Variants in SLC14A1 observed in about 807,000 individuals in gnomAD.
SLC14A1 encodes the protein urea transporter 1.
A neutral mutation model predicts 39.6 loss-of-function variants in SLC14A1; 36 were observed. That is an observed-to-expected ratio of 0.91 (90% confidence interval 0.70 to 1.20). The LOEUF is 1.20. SLC14A1 is among the 50% of genes most tolerant of loss of function. SLC14A1 has a pLI of 0.00. For missense variants in SLC14A1, 469 were observed against 478.7 expected, an observed-to-expected ratio of 0.98 and a Z score of 0.19; for synonymous variants, 164 against 173.6, an observed-to-expected ratio of 0.94 and a Z score of 0.43.
Position 45,751,941 on chromosome 18 carries a change from C to T in SLC14A1, c.*1990C>T. On this transcript the variant is annotated 3_prime_UTR_variant, in exon 10 of 10. Transcript: ENST00000321925. ...CTTCTAGTTTGCAGTGCTCAGTGCACAATATACATTTTGCTGAATGAATAA... is the reference window on the plus strand; with the variant it reads ...CTTCTAGTTTGCAGTGCTCAGTGCATAATATACATTTTGCTGAATGAATAA... 1 of 985,142 alleles carries T rather than the reference C, an allele frequency of 1.0e-6. No homozygotes were observed. Among genetic ancestry groups the T allele is most frequent in the Non-Finnish European group, 1.2e-6 (1 of 829,816 alleles). 61.0% of individuals were successfully genotyped at this position (985,142 alleles called of 1,614,324 possible).
Position 45,731,026 on chromosome 18 carries a change from G to A in SLC14A1, c.163G>A (p.Val55Met). 1 of 1,614,126 alleles carries A rather than the reference G, an allele frequency of 6.2e-7. No individual in the cohort carries two copies. Among genetic ancestry groups the A allele is most frequent in the Non-Finnish European group, 8.5e-7 (1 of 1,180,006 alleles). ...LANQLKDKPV[V>M]LQFIDWILRG... Reference sequence around the variant, plus strand: ...CTCATCCCTTCCAGACAAACCCGTGGTGCTCCAGTTCATTGACTGGATTCT... The same window carrying A: ...CTCATCCCTTCCAGACAAACCCGTGATGCTCCAGTTCATTGACTGGATTCT... Residue 55 changes from valine to methionine, a missense_variant, in exon 4 of 10, where the codon GTG becomes ATG. Transcript: ENST00000321925.
chr18:45,751,294 T>G lies in SLC14A1; in HGVS notation c.*1343T>G. ...GGAGGAGGCTGCAGTGAGCTAAGAT[T>G]GCACCACTGCACTCCAACCTGGGCG... is the stretch of plus-strand genomic sequence containing the variant. On this transcript the variant is annotated 3_prime_UTR_variant, in exon 10 of 10. Coordinates refer to ENST00000321925, the MANE Select transcript of SLC14A1 (RefSeq NM_015865.7). 1 of 744,706 alleles carries G rather than the reference T, an allele frequency of 1.3e-6. No individual in the cohort carries two copies. Among genetic ancestry groups the G allele is most frequent in the Non-Finnish European group, 1.6e-6 (1 of 616,698 alleles). 46.1% of individuals were successfully genotyped at this position (744,706 alleles called of 1,614,324 possible).
rs1188973326 is a variant in SLC14A1, at chr18:45,749,880, G to T, written c.1099G>T (p.Val367Phe). The T allele has an allele frequency of 1.2e-6, 2 of 1,614,092 alleles. No individual in the cohort carries two copies. The highest frequency in any genetic ancestry group is 1.1e-5 in the South Asian group (1 of 91,068). The change falls in exon 10 of 10, where the codon GTT becomes TTT. Residue 367 changes from valine (V) to phenylalanine (F), a missense_variant. Transcript: ENST00000321925. ...SNIYKMPLSK[V>F]TYPEENRIFY... is the part of the protein sequence containing the mutation. ...CATCTACAAGATGCCCCTCAGTAAA[G>T]TTACTTATCCTGAAGAAAACCGCAT...
chr18:45,726,947 A>C, intron 2 of SLC14A1: 2 of 242,272 alleles, frequency 8.3e-6, no homozygotes, highest in African/African-American at 2.2e-5. Flanking sequence ...ATCCAACAGC[A>C]GAGACACGCA....
At chr18:45,748,338 A>G (rs1331859157) in intron 8 of SLC14A1, 38 bp from the exon 9 acceptor site, 11 of 1,608,748 alleles carry the variant, frequency 6.8e-6, no homozygotes, top group Non-Finnish European at 5.1e-6. Context: ...AAGTGCATCT[A>G]CGAAGCATTG....
At chr18:45,748,858 T>C (rs928735736) in intron 9 of SLC14A1, among the ~76,000 whole-genome samples, 1 of 152,194 alleles carries the variant, frequency 6.6e-6, no homozygotes, top group African/African-American at 2.4e-5. Flanking sequence ...TCTAGCCCTT[T>C]TGGCAGCAGC....
Position 45,749,959 on chromosome 18 carries a change from C to T in SLC14A1, c.*8C>T. 1 of 1,614,202 alleles carries T rather than the reference C, an allele frequency of 6.2e-7. No individual in the cohort carries two copies. The highest frequency in any genetic ancestry group is 1.1e-5 in the South Asian group (1 of 91,088). On this transcript the variant is annotated 3_prime_UTR_variant, in exon 10 of 10. Coordinates refer to ENST00000321925, the MANE Select transcript of SLC14A1 (RefSeq NM_015865.7). The stretch of plus-strand genomic sequence containing the variant: ...GTGGAAAGCCCTTTGTGAGAACAAG[C>T]CCCATTTGCAGCCATGGTCACGAGT...
Position 45,749,934 on chromosome 18 carries a change from G to T in SLC14A1, c.1153G>T (p.Val385Leu). 6.2e-7 allele frequency: 1 copy of T among 1,614,178 alleles called. No individual in the cohort carries two copies. Among genetic ancestry groups the T allele is most frequent in the South Asian group, 1.1e-5 (1 of 91,086 alleles). The change falls in exon 10 of 10, where the codon GTG becomes TTG. Residue 385 changes from valine to leucine, a missense_variant. Coordinates refer to ENST00000321925, the MANE Select transcript of SLC14A1 (RefSeq NM_015865.7). ...CTACCTGCAAGCCAAGAAAAGAATG[G>T]TGGAAAGCCCTTTGTGAGAACAAGC... The part of the protein sequence containing the change: ...IFYLQAKKRM[V>L]ESPL
At chr18:45,735,458 T>TC (rs1229974009) in intron 5 of SLC14A1, among the ~76,000 whole-genome samples, 3 of 152,134 alleles carry the variant, frequency 2.0e-5, no homozygotes, top group Non-Finnish European at 4.4e-5. Flanking sequence ...TTTGCTGAAT[T>TC]CCTTTTTTTT....
intron 2 of SLC14A1, among the ~76,000 whole-genome samples, chr18:45,728,300 T>C (rs1376600905): frequency 3.9e-5 from 6 of 152,186 alleles, no homozygotes; most frequent in Non-Finnish European, 8.8e-5. Context: ...AATAAATAAA[T>C]ATATGCTGGG....
chr18:45,741,558 T>C (rs1439815458), intron 8 of SLC14A1, among the ~76,000 whole-genome samples: 1 of 151,544 alleles, frequency 6.6e-6, no homozygotes, highest in Non-Finnish European at 1.5e-5. Context: ...TTTGATTCGA[T>C]GCTATAGCAA....
At chr18:45,728,607 A>C (rs1000281392) in intron 2 of SLC14A1, among the ~76,000 whole-genome samples, 3 of 152,226 alleles carry the variant, frequency 2.0e-5, no homozygotes, top group Non-Finnish European at 4.4e-5. Flanking sequence ...TCTGAAAATA[A>C]ATGACAGCCA....
rs1295885915 is a variant in SLC14A1 at position 45,749,748 on chromosome 18, A to G, written c.997-30A>G. ...GCTCAGCTGTCAGATGGGATCTGAA[A>G]GGAGCGTGTGGCTTTCTCTTCTTCC... On this transcript the variant is annotated intron_variant, in intron 9 of 9. Transcript: ENST00000321925. 2.5e-6 allele frequency: 4 copies of G among 1,614,062 alleles called. No individual in the cohort carries two copies. In the Admixed American group the frequency reaches 6.7e-5, roughly 27 times the overall value.
At chr18:45,728,151 A>C (rs1260249373) in intron 2 of SLC14A1, among the ~76,000 whole-genome samples, 1 of 152,172 alleles carries the variant, frequency 6.6e-6, no homozygotes, top group Admixed American at 6.5e-5. Context: ...AACTAGTTTA[A>C]TCTTTACTTA....
intron 9 of SLC14A1, 134 bp from the exon 10 acceptor site, chr18:45,749,644 C>T: frequency 1.0e-6 from 1 of 1,001,764 alleles, no homozygotes; most frequent in Admixed American, 1.9e-5. Flanking sequence ...TCTCCACGAG[C>T]ATGCACAGAA....
chr18:45,749,480 C>A (rs940481786), intron 9 of SLC14A1, among the ~76,000 whole-genome samples: 2 of 152,106 alleles, frequency 1.3e-5, no homozygotes, highest in African/African-American at 4.8e-5. Flanking sequence ...TTGCAAGTGT[C>A]ATCTCTGTCA....
At chr18:45,734,703 G>A (rs188715513) in intron 5 of SLC14A1, among the ~76,000 whole-genome samples, 38 of 152,234 alleles carry the variant, frequency 2.5e-4, no homozygotes, top group Admixed American at 7.2e-4. Context: ...TTGCGTCACC[G>A]CACTCCAGTT....
chr18:45,745,366 G>T (rs1275323067), intron 8 of SLC14A1, among the ~76,000 whole-genome samples: 1 of 152,180 alleles, frequency 6.6e-6, no homozygotes, highest in Non-Finnish European at 1.5e-5. Flanking sequence ...CCAGCTGTTT[G>T]GGTGAGTCTC....
At chr18:45,732,192 G>A (rs1267273822) in intron 4 of SLC14A1, among the ~76,000 whole-genome samples, 4 of 152,214 alleles carry the variant, frequency 2.6e-5, no homozygotes, top group Non-Finnish European at 5.9e-5. Flanking sequence ...TAGAAGACAA[G>A]TCATTTATAT....
Sources: gnomAD v4.1 joint callset for allele counts (sites outside exome capture counted in the v4.1 genomes callset) on GRCh38, gnomAD v4.1.1 for gene constraint, MANE v1.5 for transcripts, NCBI Gene and HGNC (gene_info 2026-07-23, HGNC 2026-07-21) for gene names.